CIP2A: variants seen among roughly 807,000 people sequenced by gnomAD.
CIP2A encodes the protein cellular inhibitor of PP2A, also known as protein CIP2A.
CIP2A carries 103 observed loss-of-function variants against 110.9 expected under a neutral mutation model. The ratio of observed to expected loss-of-function variants is 0.93; its 90% CI spans 0.79 to 1.09. The LOEUF (loss-of-function observed/expected upper bound fraction) is 1.09, where lower values mean the gene tolerates loss of function less well. Ranked by LOEUF, CIP2A falls within the 50% of genes least tolerant of loss-of-function variation. CIP2A has a pLI of 0.00. For synonymous variants in CIP2A, 381 were observed against 361.6 expected, an observed-to-expected ratio of 1.05 and a Z score of -0.61; for missense variants, 1,088 against 1,038.4, an observed-to-expected ratio of 1.05 and a Z score of -0.66.
In CIP2A at chr3:108,581,413, A is replaced by C. The variant is rs145685071; in HGVS notation, c.549+2T>G. ...AACATTAAAAAGAAATAAACTTCTT[A>C]CCAATGTCTTTATGTGCGTTTGAAC... On this transcript the variant is annotated splice_donor_variant, in intron 5 of 20. Coordinates refer to ENST00000295746, the MANE Select transcript of CIP2A (RefSeq NM_020890.3). LOFTEE classifies it high-confidence loss of function. 1.8e-5 allele frequency: 28 copies of C among 1,589,688 alleles called. No homozygotes were observed. The highest frequency in any genetic ancestry group is 2.3e-5 in the Non-Finnish European group (27 of 1,159,548).
Position 108,565,361 on chromosome 3 carries a change from T to A in CIP2A, c.1509A>T (p.Ile503=). The change falls in exon 12 of 21, where the codon ATA becomes ATT. Residue 503 remains isoleucine, a synonymous_variant. Transcript: ENST00000295746. ...TTGAAGAGTTTAAACTCACCTGAAG[T>A]ATTTTGTAGAAGCTTACTTCCATAC... ...VPGMEVSFYK[I]LQDPRLITPL... 6.5e-7 allele frequency: 1 copy of A among 1,544,604 alleles called. No individual in the cohort carries two copies. Among genetic ancestry groups the A allele is most frequent in the Non-Finnish European group, 8.9e-7 (1 of 1,125,360 alleles).
intron 12 of CIP2A, among the ~76,000 whole-genome samples, chr3:108,563,867 G>A (rs1464283328): frequency 6.6e-6 from 1 of 151,778 alleles, no homozygotes; most frequent in Admixed American, 6.6e-5. Flanking sequence ...AACCCAAAAT[G>A]CTTCAGTGAG....
chr3:108,559,175 G>T (rs187662322), intron 16 of CIP2A, among the ~76,000 whole-genome samples: 1 of 152,056 alleles, frequency 6.6e-6, no homozygotes, highest in African/African-American at 2.4e-5. Flanking sequence ...GCAGAGATAG[G>T]GCAGAAAAGA....
At chr3:108,565,118 A>G (rs1299405741) in intron 12 of CIP2A, among the ~76,000 whole-genome samples, 2 of 151,854 alleles carry the variant, frequency 1.3e-5, no homozygotes, top group African/African-American at 2.4e-5. Context: ...AAGCAGCACT[A>G]TTGTGAACAT....
At chr3:108,555,471 G>T (rs181645545) in intron 17 of CIP2A, among the ~76,000 whole-genome samples, 1 of 152,112 alleles carries the variant, frequency 6.6e-6, no homozygotes, top group Non-Finnish European at 1.5e-5. Flanking sequence ...AGAACTTAAA[G>T]AAAACAACTT....
At position 108,550,271 on chromosome 3, in the gene CIP2A, A is replaced by T. The variant is rs2083880217; in HGVS notation, c.*878T>A. The T allele has an allele frequency of 6.6e-6, 1 of 151,558 alleles. No homozygotes were observed. The highest frequency in any genetic ancestry group is 1.5e-5 in the Non-Finnish European group (1 of 67,710). The allele number at this position is 151,558 out of a possible 1,614,324, so 9.4% of individuals were successfully genotyped here. On this transcript the variant is annotated 3_prime_UTR_variant, in exon 21 of 21. Transcript: ENST00000295746. ...TTTAAAATTAAATGAACCAATTAAA[A>T]ACTATTAGGACAACAAATTAAATAC...
chr3:108,568,896 G>GAGA (rs761958524), intron 9 of CIP2A, among the ~76,000 whole-genome samples: 101 of 151,670 alleles, frequency 6.7e-4, no homozygotes, highest in Middle Eastern at 3.4e-3. Flanking sequence ...TATAAACAGG[G>GAGA]AGAATAGTAG....
Position 108,584,926 on chromosome 3 carries a change from A to C in CIP2A, c.250+139T>G, listed in dbSNP as rs868574181. On this transcript the variant is annotated intron_variant, in intron 2 of 20. Coordinates refer to ENST00000295746, the MANE Select transcript of CIP2A (RefSeq NM_020890.3). Reference sequence around the variant, plus strand: ...CGGTAGCTATGACTTCCTCAGTGTCAAAAGATTCACAATGCACACTAGACT... The same window carrying C: ...CGGTAGCTATGACTTCCTCAGTGTCCAAAGATTCACAATGCACACTAGACT... The C allele has an allele frequency of 3.4e-5, 22 of 654,644 alleles. No homozygotes were observed. In the Middle Eastern group the frequency reaches 1.8e-3, roughly 52 times the overall value. The allele number at this position is 654,644 out of a possible 1,614,324, so 40.6% of individuals were successfully genotyped here.
chr3:108,570,468 C>T lies in CIP2A; in HGVS notation c.895-861G>A, dbSNP rs1938355361. On this transcript the variant is annotated intron_variant, in intron 8 of 20. Transcript: ENST00000295746. Reference sequence around the variant, plus strand: ...ATCATTAATTCCGTTGTGTGAACATCGTAAGAGTGTACTTACACAAACCTA... The same window carrying T: ...ATCATTAATTCCGTTGTGTGAACATTGTAAGAGTGTACTTACACAAACCTA... Among the ~76,000 whole-genome samples the T allele has an allele frequency of 2.0e-5, 3 of 152,072 alleles. No homozygotes were observed. In the South Asian group the frequency reaches 6.2e-4, roughly 31 times the overall value.
At chr3:108,582,052 G>A in intron 4 of CIP2A, 56 bp downstream of exon 4, 2 of 815,518 alleles carry the variant, frequency 2.5e-6, no homozygotes, top group Non-Finnish European at 3.9e-6. Context: ...CCACATGGTT[G>A]TAATTTAAAA....
At chr3:108,557,995 C>A (rs1937869158) in intron 16 of CIP2A, among the ~76,000 whole-genome samples, 1 of 152,098 alleles carries the variant, frequency 6.6e-6, no homozygotes, top group Non-Finnish European at 1.5e-5. Context: ...AAACCCTAAG[C>A]CTTTCTCTGT....
At chr3:108,583,775 T>C (rs1372705123) in intron 2 of CIP2A, among the ~76,000 whole-genome samples, 1 of 152,202 alleles carries the variant, frequency 6.6e-6, no homozygotes, top group Admixed American at 6.5e-5. Flanking sequence ...ATGTTCTAAA[T>C]ACATAGAAAT....
intron 8 of CIP2A, among the ~76,000 whole-genome samples, chr3:108,573,646 G>C (rs1938471578): frequency 6.6e-6 from 1 of 151,706 alleles, no homozygotes; most frequent in Non-Finnish European, 1.5e-5. Context: ...CAGATTCCTA[G>C]TCACTTTCTT....
In CIP2A at chr3:108,581,465, C is replaced by G. The variant is rs780426267; in HGVS notation, c.499G>C (p.Ala167Pro). 1 of 1,613,060 alleles carries G rather than the reference C, an allele frequency of 6.2e-7. No homozygotes were observed. The highest frequency in any genetic ancestry group is 8.5e-7 in the Non-Finnish European group (1 of 1,179,336). The change falls in exon 5 of 21, where the codon GCA becomes CCA. Residue 167 changes from alanine to proline, a missense_variant. By Grantham distance (27) the Ala-to-Pro change is conservative. Coordinates refer to ENST00000295746, the MANE Select transcript of CIP2A (RefSeq NM_020890.3). ...ELKMPCLGLL[A>P]NLCRHNLSVQ... ...GAAAGATTGTGCCGACAAAGATTTGCCAATAATCCTAGACAAGGCATTTTT... is the reference window on the plus strand; with the variant it reads ...GAAAGATTGTGCCGACAAAGATTTGGCAATAATCCTAGACAAGGCATTTTT...
At chr3:108,566,390 A>G (rs1938181722) in intron 11 of CIP2A, 107 bp downstream of exon 11, 1 of 799,130 alleles carries the variant, frequency 1.3e-6, no homozygotes, top group South Asian at 1.8e-5. Flanking sequence ...TTAATCTGTT[A>G]TATCTTAAGT....
At chr3:108,586,650 T>C (rs1939050314) in intron 1 of CIP2A, among the ~76,000 whole-genome samples, 1 of 152,202 alleles carries the variant, frequency 6.6e-6, no homozygotes, top group Non-Finnish European at 1.5e-5. Flanking sequence ...ATAATAACTC[T>C]ATAAGGTAGG....
intron 8 of CIP2A, among the ~76,000 whole-genome samples, chr3:108,572,309 C>T (rs937182389): frequency 1.3e-5 from 2 of 151,986 alleles, no homozygotes; most frequent in African/African-American, 4.8e-5. Context: ...TTTTCTAAAA[C>T]GTTCCTTATT....
At chr3:108,584,969 G>T in intron 2 of CIP2A, 96 bp downstream of exon 2, 2 of 1,166,242 alleles carry the variant, frequency 1.7e-6, no homozygotes, top group Non-Finnish European at 2.4e-6. Context: ...CTTTGAAGGT[G>T]AATCATTCTT....
chr3:108,584,902 G>A (rs1013900078), intron 2 of CIP2A, 163 bp downstream of exon 2: 4 of 496,650 alleles, frequency 8.1e-6, no homozygotes, highest in East Asian at 3.3e-5. Flanking sequence ...TTCTTTGATC[G>A]GTAGCTATGA....
Sources: allele counts gnomAD v4.1 joint callset (sites outside exome capture counted in the v4.1 genomes callset), GRCh38; gene constraint gnomAD v4.1.1; transcripts MANE v1.5; gene names NCBI Gene and HGNC (gene_info 2026-07-23, HGNC 2026-07-21).